KCNIP1: variants seen among roughly 807,000 people sequenced by gnomAD.
KCNIP1 encodes A-type potassium channel modulatory protein KCNIP1.
KCNIP1 carries 18 observed loss-of-function variants against 33.0 expected under a neutral mutation model. That is an observed-to-expected ratio of 0.55 (90% CI 0.38 to 0.81). The LOEUF (loss-of-function observed/expected upper bound fraction) is 0.81, where lower values mean the gene tolerates loss of function less well. Ranked by LOEUF, KCNIP1 falls within the 30% of genes least tolerant of loss-of-function variation. KCNIP1 has a pLI of 0.00. For synonymous variants in KCNIP1, 93 were observed against 98.3 expected (o/e 0.95, Z 0.32); for missense variants, 238 against 271.6 (o/e 0.88, Z 0.87).
chr5:170,558,514 G>A (rs1225058469), intron 1 of KCNIP1, among the ~76,000 whole-genome samples: 2 of 152,248 alleles, frequency 1.3e-5, no homozygotes, highest in Non-Finnish European at 2.9e-5. Context: ...GATCGAGGTG[G>A]AATGGGAGTG....
At chr5:170,487,657 A>G (rs1757126977) in intron 1 of KCNIP1, among the ~76,000 whole-genome samples, 1 of 151,882 alleles carries the variant, frequency 6.6e-6, no homozygotes, top group South Asian at 2.1e-4. Context: ...GAGTAGCTGG[A>G]ACCACAGGCG....
At chr5:170,704,568 G>A (rs1242307819) in intron 1 of KCNIP1, among the ~76,000 whole-genome samples, 1 of 152,158 alleles carries the variant, frequency 6.6e-6, no homozygotes, top group Non-Finnish European at 1.5e-5. Flanking sequence ...GGACTCTTCA[G>A]CGCCAGCAGG....
At chr5:170,598,915 G>GTA (rs1758576360) in intron 1 of KCNIP1, among the ~76,000 whole-genome samples, 1 of 150,100 alleles carries the variant, frequency 6.7e-6, no homozygotes, top group Admixed American at 6.8e-5. Context: ...GTGTGTGTGT[G>GTA]TGTGTGTGTG....
At chr5:170,394,819 G>T (rs992095493) in intron 1 of KCNIP1, among the ~76,000 whole-genome samples, 1 of 152,116 alleles carries the variant, frequency 6.6e-6, no homozygotes, top group Non-Finnish European at 1.5e-5. Flanking sequence ...CCGGGGATTA[G>T]CTCCCACTTA....
intron 1 of KCNIP1, among the ~76,000 whole-genome samples, chr5:170,367,348 A>AG (rs1763691074): frequency 2.0e-5 from 2 of 100,364 alleles, no homozygotes; most frequent in Non-Finnish European, 4.0e-5. Context: ...AGAAGGAAAG[A>AG]AAAAGAAAGA....
In KCNIP1 at chr5:170,504,705, C is replaced by T. The variant is rs1443880459; in HGVS notation, c.61+72C>T. 1.6e-6 allele frequency: 2 copies of T among 1,261,952 alleles called. No individual in the cohort carries two copies. The highest frequency in any genetic ancestry group is 2.3e-6 in the Non-Finnish European group (2 of 861,102). 78.2% of individuals were successfully genotyped at this position (1,261,952 alleles called of 1,614,324 possible). Reference sequence around the variant, plus strand: ...CTAGGCGCCGAGGTGGGCTGTGCCACCTGCCTCCCTTAGTCCGGACTCTCC... The same window carrying T: ...CTAGGCGCCGAGGTGGGCTGTGCCATCTGCCTCCCTTAGTCCGGACTCTCC... On this transcript the variant is annotated intron_variant, in intron 1 of 7. Coordinates refer to ENST00000328939, the MANE Select transcript of KCNIP1 (RefSeq NM_014592.4). This position sits in a 1 kb window ranked among gnomAD's most constrained non-coding sequence, Gnocchi z 6.0.
At position 170,680,665 on chromosome 5, in the gene KCNIP1, C is replaced by T. The variant is rs75463387; in HGVS notation, c.62-38093C>T. 4.1e-3 allele frequency: 646 copies of T among 156,376 alleles called. 6 individuals are homozygous for T. Among genetic ancestry groups the T allele is most frequent in the African/African-American group, 0.014 (604 of 41,712 alleles). The allele number at this position is 156,376 out of a possible 1,614,324, so 9.7% of individuals were successfully genotyped here. A position where few individuals can be genotyped will look rare whatever the true frequency, so the allele number is the denominator to read the frequency against. On this transcript the variant is annotated intron_variant, in intron 1 of 7. Transcript: ENST00000328939. ...CATCTTTCATCTCTCCATCTATCTG[C>T]GATCTAAAGCAATGGGGCTCTTTCT...
At chr5:170,462,825 T>C (rs1263513791) in intron 1 of KCNIP1, among the ~76,000 whole-genome samples, 1 of 152,216 alleles carries the variant, frequency 6.6e-6, no homozygotes, top group East Asian at 1.9e-4. Context: ...CACAGCAACC[T>C]GGATGAGATT....
intron 1 of KCNIP1, among the ~76,000 whole-genome samples, chr5:170,594,616 T>A (rs1301145143): frequency 6.6e-6 from 1 of 152,066 alleles, no homozygotes; most frequent in East Asian, 1.9e-4. Flanking sequence ...GTTCAAGCAA[T>A]TCTCCTGCCT....
At chr5:170,682,206 T>G (rs1355605275) in intron 1 of KCNIP1, among the ~76,000 whole-genome samples, 1 of 152,220 alleles carries the variant, frequency 6.6e-6, no homozygotes, top group Admixed American at 6.5e-5. Context: ...AAATCCACTT[T>G]CTATCCATAA....
chr5:170,632,301 A>G (rs1760078873), intron 1 of KCNIP1, among the ~76,000 whole-genome samples: 1 of 152,234 alleles, frequency 6.6e-6, no homozygotes, highest in Non-Finnish European at 1.5e-5. Flanking sequence ...ACGTGGATTG[A>G]CAGGCTATTA....
At chr5:170,444,694 T>TC (rs1756069917) in intron 1 of KCNIP1, among the ~76,000 whole-genome samples, 1 of 142,036 alleles carries the variant, frequency 7.0e-6, no homozygotes, top group Non-Finnish European at 1.6e-5. Context: ...TATTTTTTCT[T>TC]TTTTTAAAAA....
Position 170,453,187 on chromosome 5 carries a change from A to C in KCNIP1, c.88+99223A>C, listed in dbSNP as rs745843756. ...GAACATTAGAAATGATCATTCCTGA[A>C]GGAGCATTTGCTCTCAAAATGCATT... On this transcript the variant is annotated intron_variant, in intron 1 of 7. Coordinates refer to the KCNIP1 transcript ENST00000377360. Among the ~76,000 whole-genome samples, 5 of 152,244 alleles carry C rather than the reference A, an allele frequency of 3.3e-5. 1 individual carries two copies. Among genetic ancestry groups the C allele is most frequent in the Admixed American group, 1.3e-4 (2 of 15,280 alleles).
chr5:170,426,831 C>T (rs1247301265), intron 1 of KCNIP1, among the ~76,000 whole-genome samples: 1 of 152,278 alleles, frequency 6.6e-6, no homozygotes, highest in East Asian at 1.9e-4. Flanking sequence ...GAGAGCCCGC[C>T]TCCCCTACCA....
At chr5:170,407,859 C>T (rs1310355151) in intron 1 of KCNIP1, among the ~76,000 whole-genome samples, 1 of 150,058 alleles carries the variant, frequency 6.7e-6, no homozygotes, top group Non-Finnish European at 1.5e-5. Flanking sequence ...AACACTACCT[C>T]ATCTTCAGTG....
chr5:170,658,539 T>A (rs1430350199), intron 1 of KCNIP1, among the ~76,000 whole-genome samples: 5 of 152,184 alleles, frequency 3.3e-5, no homozygotes, highest in African/African-American at 1.2e-4. Context: ...CTCACAGAGA[T>A]CGCTTTTCCT....
intron 1 of KCNIP1, among the ~76,000 whole-genome samples, chr5:170,705,701 T>G (rs2113844531): frequency 6.6e-6 from 1 of 152,330 alleles, no homozygotes; most frequent in South Asian, 2.1e-4. Flanking sequence ...AACTGACAAT[T>G]GAGTTGTGTC....
At chr5:170,547,751 T>G (rs1756470466) in intron 1 of KCNIP1, among the ~76,000 whole-genome samples, 1 of 152,234 alleles carries the variant, frequency 6.6e-6, no homozygotes, top group Non-Finnish European at 1.5e-5. Context: ...TATACCTCAT[T>G]TTCTTTATCC....
intron 1 of KCNIP1, among the ~76,000 whole-genome samples, chr5:170,444,444 G>A (rs754270010): frequency 6.6e-6 from 1 of 152,058 alleles, no homozygotes; most frequent in Non-Finnish European, 1.5e-5. Flanking sequence ...GATAACCCGG[G>A]GTAATCTTCC....
Sources: allele counts gnomAD v4.1 joint callset (sites outside exome capture counted in the v4.1 genomes callset), GRCh38; gene constraint gnomAD v4.1.1; non-coding constraint Gnocchi (gnomAD v3.1); transcripts MANE v1.5; gene names NCBI Gene and HGNC (gene_info 2026-07-23, HGNC 2026-07-21).